GPHN: variants seen among roughly 807,000 people sequenced by gnomAD.
GPHN encodes gephyrin.
Under a neutral mutation model 95.5 loss-of-function variants are expected in GPHN, and 17 were observed. The ratio of observed to expected loss-of-function variants is 0.18; its 90% CI spans 0.12 to 0.27. The LOEUF is 0.27. Among genes scored for constraint, GPHN ranks in the 10% least tolerant of loss-of-function variants. The pLI, the probability that GPHN is intolerant of heterozygous loss-of-function variation, is 1.00. For missense variants in GPHN, 660 were observed against 978.1 expected, an observed-to-expected ratio of 0.67 and a Z score of 4.34; for synonymous variants, 320 against 322.5, an observed-to-expected ratio of 0.99 and a Z score of 0.08.
intron 1 of GPHN, among the ~76,000 whole-genome samples, chr14:66,571,955 G>A (rs2060711587): frequency 6.6e-6 from 1 of 152,164 alleles, no homozygotes; most frequent in South Asian, 2.1e-4. Context: ...TGTATATGAC[G>A]TGAGATAAAA....
chr14:67,466,713 C>T, the GPHN span, among the ~76,000 whole-genome samples: 2 of 152,140 alleles, frequency 1.3e-5, no homozygotes, highest in Admixed American at 6.5e-5. Context: ...CCAGCCTGGG[C>T]CAGGCACAGT....
the GPHN span, among the ~76,000 whole-genome samples, chr14:67,419,301 G>C: frequency 1.5e-3 from 226 of 152,252 alleles, 1 homozygote; most frequent in African/African-American, 5.2e-3. Flanking sequence ...ATGGTGTTAT[G>C]CTCACCCCTG....
chr14:66,921,676 C>T (rs2066224968), intron 6 of GPHN, among the ~76,000 whole-genome samples: 1 of 152,088 alleles, frequency 6.6e-6, no homozygotes, highest in Admixed American at 6.6e-5. Context: ...CATCAAAATA[C>T]CACCATCATT....
intron 11 of GPHN, among the ~76,000 whole-genome samples, chr14:67,080,884 T>A (rs2076668901): frequency 1.3e-5 from 2 of 152,224 alleles, no homozygotes; most frequent in Non-Finnish European, 2.9e-5. Flanking sequence ...CTGAATTACT[T>A]CACTTGGAAT....
the GPHN span, among the ~76,000 whole-genome samples, chr14:67,683,874 T>C: frequency 6.6e-6 from 1 of 152,234 alleles, no homozygotes; most frequent in Non-Finnish European, 1.5e-5. Flanking sequence ...TTTCAACTGC[T>C]TTGGAATCCA....
At chr14:67,024,217 C>G (rs1035591120) in intron 10 of GPHN, among the ~76,000 whole-genome samples, 1 of 152,124 alleles carries the variant, frequency 6.6e-6, no homozygotes, top group Non-Finnish European at 1.5e-5. Context: ...AGTCATTTAA[C>G]TCTGTATATC....
chr14:67,195,676 A>G, the GPHN span, among the ~76,000 whole-genome samples: 1 of 152,032 alleles, frequency 6.6e-6, no homozygotes, highest in Admixed American at 6.6e-5. Flanking sequence ...GAAAGGAAAC[A>G]TGCTGCTAAT....
intron 1 of GPHN, among the ~76,000 whole-genome samples, chr14:66,555,877 T>C (rs368146480): frequency 3.1e-4 from 47 of 152,322 alleles, no homozygotes; most frequent in African/African-American, 1.1e-3. Flanking sequence ...GTGTTTCATG[T>C]GCAGTCTTTG....
the GPHN span, among the ~76,000 whole-genome samples, chr14:67,547,174 A>C: frequency 6.6e-6 from 1 of 152,172 alleles, no homozygotes; most frequent in Non-Finnish European, 1.5e-5. Flanking sequence ...AGGCATAGAC[A>C]CGGGAGGAAC....
chr14:66,593,313 A>C (rs1171807971), intron 1 of GPHN, among the ~76,000 whole-genome samples: 1 of 152,058 alleles, frequency 6.6e-6, no homozygotes, highest in Non-Finnish European at 1.5e-5. Flanking sequence ...AAAAAAAAAA[A>C]AACAAACAAC....
At chr14:66,676,672 A>ATTTTTTTTTTTT (rs56906168) in intron 1 of GPHN, among the ~76,000 whole-genome samples, 2 of 126,080 alleles carry the variant, frequency 1.6e-5, no homozygotes, top group Non-Finnish European at 1.7e-5. Context: ...ATCGTAGTGT[A>ATTTTTTTTTTTT]TTTTTTTTTT....
At chr14:66,564,571 G>A (rs1391774085) in intron 1 of GPHN, among the ~76,000 whole-genome samples, 1 of 152,128 alleles carries the variant, frequency 6.6e-6, no homozygotes, top group African/African-American at 2.4e-5. Flanking sequence ...GCAAGGAGTA[G>A]GAGGTATTTA....
Position 67,159,505 on chromosome 14 carries a change from GT to G in GPHN, c.1910+19del. The G allele has an allele frequency of 6.8e-7, 1 of 1,474,092 alleles. No homozygotes were observed. Among genetic ancestry groups the G allele is most frequent in the Non-Finnish European group, 9.5e-7 (1 of 1,052,382 alleles). 91.3% of individuals were successfully genotyped at this position (1,474,092 alleles called of 1,614,324 possible). A position where few individuals can be genotyped will look rare whatever the true frequency, so the allele number is the denominator to read the frequency against. On this transcript the variant is annotated intron_variant, in intron 19 of 22. Coordinates refer to ENST00000478722, the MANE Select transcript of GPHN (RefSeq NM_020806.5). ...GAAACCAGGGTATGAAAATCATCTT[GT>G]TATCTCATATATGGGGTTGGTTTGG... is the stretch of plus-strand genomic sequence containing the variant.
At chr14:66,677,969 C>G (rs1024562721) in intron 1 of GPHN, among the ~76,000 whole-genome samples, 18 of 152,186 alleles carry the variant, frequency 1.2e-4, no homozygotes, top group Middle Eastern at 3.4e-3. Flanking sequence ...TACTGTTAGT[C>G]TGAAGGGGAT....
At chr14:67,302,552 A>G in the GPHN span, 42 of 1,537,562 alleles carry the variant, frequency 2.7e-5, no homozygotes, top group Middle Eastern at 1.7e-4. Flanking sequence ...AAAGATGTCA[A>G]TGAGGTTTTT....
chr14:66,901,236 G>T (rs1267641560), intron 5 of GPHN, among the ~76,000 whole-genome samples: 1 of 151,732 alleles, frequency 6.6e-6, no homozygotes, highest in Non-Finnish European at 1.5e-5. Flanking sequence ...TGTTGTTGTT[G>T]TTTTCTGTCA....
At chr14:67,101,579 C>T (rs1220986649) in intron 13 of GPHN, among the ~76,000 whole-genome samples, 1 of 151,326 alleles carries the variant, frequency 6.6e-6, no homozygotes, top group African/African-American at 2.4e-5. Context: ...GTTTTAATTT[C>T]TATCAGGTCT....
chr14:66,708,638 A>G (rs2069323378), intron 2 of GPHN, among the ~76,000 whole-genome samples: 1 of 152,196 alleles, frequency 6.6e-6, no homozygotes, highest in South Asian at 2.1e-4. Flanking sequence ...ATTTCAATCT[A>G]GAGCAGTAAT....
chr14:67,662,342 T>C, the GPHN span: 2 of 780,420 alleles, frequency 2.6e-6, no homozygotes, highest in South Asian at 3.3e-5. Context: ...CCCCATCAAC[T>C]GGCTTCATTT....
Sources: allele counts gnomAD v4.1 joint callset (sites outside exome capture counted in the v4.1 genomes callset), GRCh38; gene constraint gnomAD v4.1.1; transcripts MANE v1.5; gene names NCBI Gene and HGNC (gene_info 2026-07-23, HGNC 2026-07-21).